Variants in RIGI observed in about 807,000 individuals in gnomAD.
The protein encoded by RIGI is RNA sensor RIG-I, also known as antiviral innate immune response receptor RIG-I.
At chr9:32,505,046 T>C in the RIGI span, among the ~76,000 whole-genome samples, 5 of 143,270 alleles carry the variant, frequency 3.5e-5, no homozygotes, top group South Asian at 6.3e-4. Flanking sequence ...AGATATATAA[T>C]ATATAATTTT....
At chr9:32,521,260 G>C in the RIGI span, among the ~76,000 whole-genome samples, 1 of 150,886 alleles carries the variant, frequency 6.6e-6, no homozygotes. Flanking sequence ...CCATACAAAG[G>C]TAAAATTTGA....
the RIGI span, among the ~76,000 whole-genome samples, chr9:32,501,480 G>A: frequency 8.5e-5 from 13 of 152,066 alleles, no homozygotes; most frequent in Non-Finnish European, 1.5e-4. Flanking sequence ...ACTCCAGCCT[G>A]GACAACAGAG....
chr9:32,465,155 T>C, the RIGI span, among the ~76,000 whole-genome samples: 1 of 152,212 alleles, frequency 6.6e-6, no homozygotes, highest in Non-Finnish European at 1.5e-5. Flanking sequence ...GAATAGAGAA[T>C]CCCATCCCCA....
chr9:32,490,934 T>C, the RIGI span, among the ~76,000 whole-genome samples: 4 of 152,280 alleles, frequency 2.6e-5, no homozygotes, highest in East Asian at 5.8e-4. Context: ...TAAAAGGAAA[T>C]TGAGCAAGTG....
chr9:32,492,794 T>C, the RIGI span, among the ~76,000 whole-genome samples: 206 of 152,298 alleles, frequency 1.4e-3, no homozygotes, highest in African/African-American at 4.8e-3. Flanking sequence ...TTCTTATACC[T>C]ATCCTCATCA....
the RIGI span, among the ~76,000 whole-genome samples, chr9:32,525,607 C>A: frequency 7.2e-5 from 11 of 152,216 alleles, no homozygotes; most frequent in Admixed American, 7.2e-4. Context: ...TAAGATTCGG[C>A]AGAGTAAGCA....
the RIGI span, among the ~76,000 whole-genome samples, chr9:32,521,149 A>AAAAAAAAAAAAAAC: frequency 6.7e-6 from 1 of 150,226 alleles, no homozygotes; most frequent in African/African-American, 2.4e-5. Flanking sequence ...CAAAAAAAAA[A>AAAAAAAAAAAAAAC]AAAAAAAAAA....
chr9:32,475,630 T>A, the RIGI span, among the ~76,000 whole-genome samples: 2,652 of 152,018 alleles, frequency 0.017, 74 homozygotes, highest in African/African-American at 0.06. Flanking sequence ...AAAGAAAGCA[T>A]CTCAACCAAT....
chr9:32,477,223 C>A, the RIGI span: 2 of 1,468,002 alleles, frequency 1.4e-6, no homozygotes, highest in Non-Finnish European at 1.8e-6. Context: ...CAGCTGATCT[C>A]TAAATCTTTG....
chr9:32,465,521 T>G, the RIGI span, among the ~76,000 whole-genome samples: 75 of 152,338 alleles, frequency 4.9e-4, 1 homozygote, highest in African/African-American at 1.8e-3. Context: ...CGCTAAGAGA[T>G]GCAATGCATA....
At chr9:32,500,689 A>T in the RIGI span, 1 of 1,275,196 alleles carries the variant, frequency 7.8e-7, no homozygotes, top group Non-Finnish European at 1.1e-6. Flanking sequence ...ATTGTCTCAG[A>T]CTAAGAGGCA....
the RIGI span, among the ~76,000 whole-genome samples, chr9:32,499,003 A>G: frequency 3.5e-5 from 5 of 144,482 alleles, no homozygotes; most frequent in Non-Finnish European, 7.7e-5. Flanking sequence ...AAAAAAAAAA[A>G]AAGATTTCCA....
At chr9:32,481,577 ATTTTCT>A in the RIGI span, 10 of 1,048,576 alleles carry the variant, frequency 9.5e-6, no homozygotes, top group Middle Eastern at 3.2e-4. Flanking sequence ...TCACCCTCTA[ATTTTCT>A]TTTTCTTTTT....
the RIGI span, among the ~76,000 whole-genome samples, chr9:32,513,986 A>G: frequency 6.6e-6 from 1 of 152,250 alleles, no homozygotes; most frequent in Admixed American, 6.5e-5. Flanking sequence ...GCTCATCATC[A>G]CTGGTCATTA....
chr9:32,480,295 G>A, the RIGI span: 4 of 1,610,786 alleles, frequency 2.5e-6, no homozygotes, highest in East Asian at 2.2e-5. Flanking sequence ...AGTCTTTCAA[G>A]TAATCCAGAG....
chr9:32,484,726 T>C, the RIGI span, among the ~76,000 whole-genome samples: 1 of 152,194 alleles, frequency 6.6e-6, no homozygotes, highest in Admixed American at 6.5e-5. Flanking sequence ...CCCCATTGTT[T>C]TTAGGATAAA....
chr9:32,493,536 T>C, the RIGI span, among the ~76,000 whole-genome samples: 2 of 151,920 alleles, frequency 1.3e-5, no homozygotes, highest in Non-Finnish European at 2.9e-5. Flanking sequence ...GGCAGGAGAA[T>C]TGGTTGAACT....
At chr9:32,520,354 T>G in the RIGI span, among the ~76,000 whole-genome samples, 6 of 152,134 alleles carry the variant, frequency 3.9e-5, no homozygotes, top group South Asian at 2.1e-4. Context: ...TGTGACATAT[T>G]AGAGAGAATG....
chr9:32,465,582 C>T, the RIGI span, among the ~76,000 whole-genome samples: 102 of 152,128 alleles, frequency 6.7e-4, no homozygotes, highest in Non-Finnish European at 1.1e-3. Flanking sequence ...TATTATTTTC[C>T]CCACTTTTTA....
Sources: allele counts gnomAD v4.1 joint callset (sites outside exome capture counted in the v4.1 genomes callset), GRCh38; gene constraint gnomAD v4.1.1; transcripts MANE v1.5; gene names NCBI Gene and HGNC (gene_info 2026-07-23, HGNC 2026-07-21).